Variants in F13A1 observed in about 807,000 individuals in gnomAD.
F13A1 encodes the protein FSF, A subunit.
In F13A1, 47 loss-of-function variants were observed where a neutral mutation model predicts 80.1. The ratio of observed to expected loss-of-function variants is 0.59; its 90% CI spans 0.46 to 0.75. The LOEUF (loss-of-function observed/expected upper bound fraction) is 0.75, where lower values mean the gene tolerates loss of function less well. Among genes scored for constraint, F13A1 ranks in the 30% least tolerant of loss-of-function variants. The pLI is 0.00. For synonymous variants in F13A1, 349 were observed against 344.9 expected, an observed-to-expected ratio of 1.01 and a Z score of -0.13; for missense variants, 817 against 930.4, an observed-to-expected ratio of 0.88 and a Z score of 1.59.
intron 11 of F13A1, among the ~76,000 whole-genome samples, chr6:6,176,882 A>G (rs1322194302): frequency 6.6e-6 from 1 of 152,198 alleles, no homozygotes; most frequent in Non-Finnish European, 1.5e-5. Context: ...GCCAGCCACA[A>G]GCAACTTCAC....
intron 3 of F13A1, among the ~76,000 whole-genome samples, chr6:6,286,766 G>A (rs1160515298): frequency 6.6e-6 from 1 of 152,184 alleles, no homozygotes; most frequent in East Asian, 1.9e-4. Flanking sequence ...TCTTAAGAAA[G>A]AAGAGAAAAG....
chr6:6,294,949 G>A (rs1309003430), intron 3 of F13A1, among the ~76,000 whole-genome samples: 5 of 138,636 alleles, frequency 3.6e-5, no homozygotes, highest in African/African-American at 1.1e-4. Flanking sequence ...CTGTGTCCAT[G>A]TGTTCTCATT....
rs998838483 is a variant in F13A1, at chr6:6,182,113, G to A, written c.1334C>T (p.Ala445Val). 1 of 1,614,122 alleles carries A rather than the reference G, an allele frequency of 6.2e-7. No homozygotes were observed. The change falls in exon 11 of 15, where the codon GCT becomes GTT. Residue 445 changes from alanine to valine, a missense_variant. Physicochemically the swap from Ala to Val is moderately conservative, Grantham distance 64. Transcript: ENST00000264870. Reference sequence around the variant, plus strand: ...CACCACATGAGTGCCATCTTTCTTAGCTGTAATGTAAATGAGGTCGCTGTT... The same window carrying A: ...CACCACATGAGTGCCATCTTTCTTAACTGTAATGTAAATGAGGTCGCTGTT... ...EVNSDLIYIT[A>V]KKDGTHVVEN...
intron 8 of F13A1, among the ~76,000 whole-genome samples, chr6:6,218,541 T>C (rs1757138453): frequency 6.6e-6 from 1 of 152,186 alleles, no homozygotes; most frequent in South Asian, 2.1e-4. Context: ...GGGGTTTCAT[T>C]TGCTACCCTG....
At position 6,163,073 on chromosome 6, in the gene F13A1, CCTTAT is replaced by C. The variant is rs1583049628; in HGVS notation, c.1908+4380_1908+4384del. 2.0e-5 allele frequency among the ~76,000 whole-genome samples: 3 copies of C among 152,160 alleles called. No individual in the cohort carries two copies. In the East Asian group the frequency reaches 5.8e-4, roughly 29 times the overall value. On this transcript the variant is annotated intron_variant, in intron 13 of 14. Transcript: ENST00000264870. Reference sequence around the variant, plus strand: ...ATAATCACCAGGGGCTGGTCCCAACCCTTATCTTGACTGAGCTGAGCAGGAAGGGC... The same window carrying C: ...ATAATCACCAGGGGCTGGTCCCAACCCTTGACTGAGCTGAGCAGGAAGGGC...
intron 3 of F13A1, among the ~76,000 whole-genome samples, chr6:6,282,971 T>G (rs1410362110): frequency 6.6e-6 from 1 of 152,218 alleles, no homozygotes; most frequent in Non-Finnish European, 1.5e-5. Context: ...ACAGCTTGCA[T>G]GCTAATTTCA....
intron 3 of F13A1, among the ~76,000 whole-genome samples, chr6:6,302,286 T>C (rs1267775756): frequency 6.6e-6 from 1 of 152,110 alleles, no homozygotes; most frequent in Non-Finnish European, 1.5e-5. Flanking sequence ...TTTGTTGTCA[T>C]GCACGGGATG....
intron 8 of F13A1, among the ~76,000 whole-genome samples, chr6:6,212,144 C>T (rs766015180): frequency 2.0e-4 from 31 of 152,350 alleles, no homozygotes; most frequent in Non-Finnish European, 3.2e-4. Flanking sequence ...GTAAACAAAG[C>T]GGCCAGGAAG....
chr6:6,273,686 T>G (rs1179966051), intron 3 of F13A1, among the ~76,000 whole-genome samples: 6 of 152,204 alleles, frequency 3.9e-5, no homozygotes, highest in African/African-American at 1.4e-4. Flanking sequence ...TTCAAAATAA[T>G]CAATCTATTT....
rs374113663 is a variant in F13A1 at position 6,313,984 on chromosome 6, C to CACTTTTTTTTTTTTTTTTTTTTTTTTT, written c.130+4550_130+4551insAAAAAAAAAAAAAAAAAAAAAAAAAGT. Among the ~76,000 whole-genome samples, 4 of 139,310 alleles carry CACTTTTTTTTTTTTTTTTTTTTTTTTT rather than the reference C, an allele frequency of 2.9e-5. 2 individuals carry two copies. Among genetic ancestry groups the CACTTTTTTTTTTTTTTTTTTTTTTTTT allele is most frequent in the Non-Finnish European group, 3.0e-5 (2 of 65,948 alleles). 91.4% of individuals were successfully genotyped at this position (139,310 alleles called of 152,430 possible). A position where few individuals can be genotyped will look rare whatever the true frequency, so the allele number is the denominator to read the frequency against. ...TCTCCTGTTCTCCATTTTCTCCTTA[C>CACTTTTTTTTTTTTTTTTTTTTTTTTT]TCTTTTTTTTTTTTGAAACGGAGTC... On this transcript the variant is annotated intron_variant, in intron 2 of 14. Transcript: ENST00000264870.
At chr6:6,281,766 G>A (rs1322710729) in intron 3 of F13A1, among the ~76,000 whole-genome samples, 1 of 151,988 alleles carries the variant, frequency 6.6e-6, no homozygotes, top group Non-Finnish European at 1.5e-5. Context: ...GGCCAAGGCA[G>A]GCAGATCACG....
At chr6:6,302,497 A>T (rs1758448630) in intron 3 of F13A1, among the ~76,000 whole-genome samples, 1 of 152,224 alleles carries the variant, frequency 6.6e-6, no homozygotes, top group Admixed American at 6.5e-5. Flanking sequence ...ACATAGAAAC[A>T]TTTATATATA....
At chr6:6,270,322 C>T (rs1325403348) in intron 3 of F13A1, among the ~76,000 whole-genome samples, 1 of 152,196 alleles carries the variant, frequency 6.6e-6, no homozygotes, top group African/African-American at 2.4e-5. Context: ...TGTTTCTAAA[C>T]TATTCGCAAA....
chr6:6,316,862 T>C (rs1758693111), intron 2 of F13A1, among the ~76,000 whole-genome samples: 1 of 151,978 alleles, frequency 6.6e-6, no homozygotes, highest in South Asian at 2.1e-4. Flanking sequence ...CCAATATGAC[T>C]TTCCCAGAGT....
chr6:6,223,393 T>C (rs1212453971), intron 7 of F13A1, among the ~76,000 whole-genome samples: 1 of 152,192 alleles, frequency 6.6e-6, no homozygotes, highest in East Asian at 1.9e-4. Flanking sequence ...GGGTCCTTTC[T>C]GTCTTCTAAA....
intron 12 of F13A1, among the ~76,000 whole-genome samples, chr6:6,168,254 C>A (rs1434169532): frequency 2.6e-5 from 4 of 152,190 alleles, no homozygotes; most frequent in African/African-American, 7.2e-5. Context: ...ATTGTTTTCT[C>A]AATGGAAACC....
intron 7 of F13A1, among the ~76,000 whole-genome samples, chr6:6,223,741 C>G (rs1446847372): frequency 6.6e-6 from 1 of 151,666 alleles, no homozygotes; most frequent in Non-Finnish European, 1.5e-5. Flanking sequence ...TGAGCTAAAA[C>G]AAATAGGTTT....
chr6:6,151,976 C>G lies in F13A1; in HGVS notation c.1909-27G>C, dbSNP rs781258248. ...TAAGAGAGAGAATGCAGGTCATTAG[C>G]ACCAAATAAAACCTCGTTCTGCTCT... On this transcript the variant is annotated intron_variant, in intron 13 of 14. Transcript: ENST00000264870. 3 of 1,613,488 alleles carry G rather than the reference C, an allele frequency of 1.9e-6. No individual in the cohort carries two copies. The East Asian group carries it at 6.7e-5, about 36-fold the overall frequency.
intron 5 of F13A1, among the ~76,000 whole-genome samples, chr6:6,248,872 C>T (rs1757591482): frequency 6.6e-6 from 1 of 152,224 alleles, no homozygotes; most frequent in South Asian, 2.1e-4. Context: ...CAGGAAGGTG[C>T]TTCACACTAC....
Sources: allele counts gnomAD v4.1 joint callset (sites outside exome capture counted in the v4.1 genomes callset), GRCh38; gene constraint gnomAD v4.1.1; transcripts MANE v1.5; gene names NCBI Gene and HGNC (gene_info 2026-07-23, HGNC 2026-07-21).